Variants in ELP1 observed in about 807,000 individuals in gnomAD.
The protein encoded by ELP1 is elongator acetyltransferase complex subunit 1.
A neutral mutation model predicts 183.2 loss-of-function variants in ELP1; 131 were observed. That is an observed-to-expected ratio of 0.72 (90% CI 0.62 to 0.83). The LOEUF (loss-of-function observed/expected upper bound fraction) is 0.83, where lower values mean the gene tolerates loss of function less well. Ranked by LOEUF, ELP1 falls within the 40% of genes least tolerant of loss-of-function variation. The probability of loss-of-function intolerance (pLI) is 0.00; values close to 1 mark genes in which losing one functional copy is unlikely to be tolerated. For synonymous variants in ELP1, 555 were observed against 569.0 expected, an observed-to-expected ratio of 0.98 and a Z score of 0.35; for missense variants, 1,550 against 1,594.9, an observed-to-expected ratio of 0.97 and a Z score of 0.48.
Position 108,891,366 on chromosome 9 carries a change from C to T in ELP1, c.2997G>A (p.Glu999=), listed in dbSNP as rs1288718353. ...SIAYGEHLMQ[E]HMYEPAGLMF... ...TGAGCCCCGCTGGCTCATACATGTG[C>T]TCCTGCATCAGGTGCTCCCCATAAG... Residue 999 remains glutamate (E), a synonymous_variant, in exon 28 of 37, where the codon GAG becomes GAA. Transcript: ENST00000374647. 1.2e-6 allele frequency: 2 copies of T among 1,613,996 alleles called. No individual in the cohort carries two copies. The highest frequency in any genetic ancestry group is 1.1e-5 in the South Asian group (1 of 91,076).
In ELP1 at chr9:108,878,627, C is replaced by A. The variant is rs576577400; in HGVS notation, c.3696G>T (p.Leu1232=). 1 of 1,614,238 alleles carries A rather than the reference C, an allele frequency of 6.2e-7. No individual in the cohort carries two copies. The highest frequency in any genetic ancestry group is 2.2e-5 in the East Asian group (1 of 44,890). ...TCATCAGGACTGAGAATATACCTTT[C>A]AGGTTTTCAGTGTTCTGCACCACTT... ...LSEVVQNTEN[L]KDEVYHILKV... The change falls in exon 34 of 37, where the codon CTG becomes CTT. Residue 1232 remains leucine, a synonymous_variant. Transcript: ENST00000374647.
At chr9:108,893,244 G>A (rs2131973772) in intron 26 of ELP1, among the ~76,000 whole-genome samples, 161 bp from the exon 27 acceptor site, 1 of 152,270 alleles carries the variant, frequency 6.6e-6, no homozygotes, top group South Asian at 2.1e-4. Context: ...AATTTTTAAT[G>A]AGCACCACTG....
rs529501289 is a variant in ELP1 at position 108,868,286 on chromosome 9, T to C, written c.*829A>G. 6.5e-6 allele frequency: 1 copy of C among 155,000 alleles called. No individual in the cohort carries two copies. Among genetic ancestry groups the C allele is most frequent in the East Asian group, 1.9e-4 (1 of 5,264 alleles). 9.6% of individuals were successfully genotyped at this position (155,000 alleles called of 1,614,324 possible). A position where few individuals can be genotyped will look rare whatever the true frequency, so the allele number is the denominator to read the frequency against. ...TTTTTTTGGTGAGGGCGTGGAGAAT[T>C]GAATAAAGAGAAGTCAGTAAAGTAC... On this transcript the variant is annotated 3_prime_UTR_variant, in exon 37 of 37. Coordinates refer to ENST00000374647, the MANE Select transcript of ELP1 (RefSeq NM_003640.5).
intron 12 of ELP1, among the ~76,000 whole-genome samples, chr9:108,908,850 G>A (rs1829110047): frequency 1.3e-5 from 2 of 152,170 alleles, no homozygotes; most frequent in South Asian, 2.1e-4. Flanking sequence ...CTCACTCGGA[G>A]TAAAAGCCGC....
At chr9:108,920,899 C>A (rs930627482) in intron 6 of ELP1, among the ~76,000 whole-genome samples, 27 of 151,784 alleles carry the variant, frequency 1.8e-4, no homozygotes, top group South Asian at 8.3e-4. Context: ...ATTAATAAAC[C>A]CTAATTTTGT....
chr9:108,897,612 C>A (rs1459834731), intron 22 of ELP1, among the ~76,000 whole-genome samples: 2 of 152,214 alleles, frequency 1.3e-5, no homozygotes, highest in Admixed American at 1.3e-4. Flanking sequence ...TATAAAAACA[C>A]AGATGAATCT....
Position 108,880,039 on chromosome 9 carries a change from C to G in ELP1, c.3460+13G>C, listed in dbSNP as rs149897637. The G allele has an allele frequency of 8.3e-6, 13 of 1,560,224 alleles. No individual in the cohort carries two copies. In the South Asian group the frequency reaches 1.2e-4, roughly 15 times the overall value. ...TGCCCCCGCACGTCGATGGCCTTCA[C>G]GCAGATACTCACCCAGACCTGCCTG... On this transcript the variant is annotated intron_variant, in intron 32 of 36. Coordinates refer to ENST00000374647, the MANE Select transcript of ELP1 (RefSeq NM_003640.5).
chr9:108,927,253 G>A (rs1829850570), intron 4 of ELP1, 119 bp downstream of exon 4: 1 of 769,152 alleles, frequency 1.3e-6, no homozygotes, highest in East Asian at 2.5e-5. Context: ...GTTCATAATT[G>A]GTATTATACT....
At chr9:108,929,669 G>A in intron 3 of ELP1, 100 bp downstream of exon 3, 1 of 1,190,398 alleles carries the variant, frequency 8.4e-7, no homozygotes, top group South Asian at 1.3e-5. Context: ...ATTAGCAAAA[G>A]TGTAACTATT....
In ELP1 at chr9:108,894,178, A is replaced by G. The variant is rs878895029; in HGVS notation, c.2737-112T>C. 4.9e-6 allele frequency: 3 copies of G among 618,068 alleles called. No individual in the cohort carries two copies. The South Asian group carries it at 6.3e-5, about 13-fold the overall frequency. 38.3% of individuals were successfully genotyped at this position (618,068 alleles called of 1,614,324 possible). ...AAAGCTACATAATTTTTAAATGTGTATTATATATTAACTGCATATTATATA... is the reference window on the plus strand; with the variant it reads ...AAAGCTACATAATTTTTAAATGTGTGTTATATATTAACTGCATATTATATA... On this transcript the variant is annotated intron_variant, in intron 25 of 36. Transcript: ENST00000374647.
chr9:108,927,852 G>A (rs1035510315), intron 3 of ELP1, among the ~76,000 whole-genome samples: 1 of 152,066 alleles, frequency 6.6e-6, no homozygotes, highest in African/African-American at 2.4e-5. Flanking sequence ...TTGAACTCAC[G>A]GACACAGAGA....
chr9:108,889,926 CT>C (rs1425256281), intron 28 of ELP1, among the ~76,000 whole-genome samples: 1 of 152,170 alleles, frequency 6.6e-6, no homozygotes, highest in Admixed American at 6.5e-5. Context: ...AAATAGTTAC[CT>C]TTCTTTTGCT....
At position 108,868,466 on chromosome 9, in the gene ELP1, T is replaced by C. The variant is rs1827316297; in HGVS notation, c.*649A>G. ...ACTGTGCATGATACTGTTTAGAAAT[T>C]CTAATCTGTTCTAGCTCTAACATTG... On this transcript the variant is annotated 3_prime_UTR_variant, in exon 37 of 37. Coordinates refer to ENST00000374647, the MANE Select transcript of ELP1 (RefSeq NM_003640.5). 2 of 353,576 alleles carry C rather than the reference T, an allele frequency of 5.7e-6. No homozygotes were observed. Among genetic ancestry groups the C allele is most frequent in the Non-Finnish European group, 1.0e-5 (2 of 197,650 alleles). 21.9% of individuals were successfully genotyped at this position (353,576 alleles called of 1,614,324 possible).
At chr9:108,897,766 G>C (rs1449788949) in intron 22 of ELP1, among the ~76,000 whole-genome samples, 1 of 152,216 alleles carries the variant, frequency 6.6e-6, no homozygotes, top group Non-Finnish European at 1.5e-5. Flanking sequence ...GACAGGGACT[G>C]ATTGAAAGGA....
At chr9:108,888,555 T>C (rs1828212037) in intron 29 of ELP1, among the ~76,000 whole-genome samples, 1 of 152,246 alleles carries the variant, frequency 6.6e-6, no homozygotes, top group South Asian at 2.1e-4. Context: ...ACCCAACCTA[T>C]CTACCCTTTT....
intron 36 of ELP1, among the ~76,000 whole-genome samples, chr9:108,874,282 T>C (rs1302055163): frequency 6.9e-6 from 1 of 145,278 alleles, no homozygotes; most frequent in Non-Finnish European, 1.5e-5. Flanking sequence ...AGCTGACTCA[T>C]CAAATGTTTC....
intron 16 of ELP1, among the ~76,000 whole-genome samples, chr9:108,902,631 A>C (rs578132248): frequency 1.3e-5 from 2 of 152,334 alleles, no homozygotes; most frequent in East Asian, 1.9e-4. Context: ...TATCTCATTT[A>C]GTCTTCTGAA....
chr9:108,889,269 A>C, intron 29 of ELP1, 63 bp downstream of exon 29: 5 of 1,384,282 alleles, frequency 3.6e-6, no homozygotes, highest in Non-Finnish European at 5.2e-6. Flanking sequence ...ATGATCACTA[A>C]GATACAATTG....
chr9:108,910,170 A>T (rs1400142300), intron 12 of ELP1, among the ~76,000 whole-genome samples: 1 of 152,082 alleles, frequency 6.6e-6, no homozygotes. Flanking sequence ...TTTTTTTTAA[A>T]GCTATTTTGA....
Sources: allele counts gnomAD v4.1 joint callset (sites outside exome capture counted in the v4.1 genomes callset), GRCh38; gene constraint gnomAD v4.1.1; transcripts MANE v1.5; gene names NCBI Gene and HGNC (gene_info 2026-07-23, HGNC 2026-07-21).